Variants in GINS1 observed in about 807,000 individuals in gnomAD.
GINS1 encodes GINS complex subunit 1.
A neutral mutation model predicts 34.9 loss-of-function variants in GINS1; 26 were observed. That is an observed-to-expected ratio of 0.74 (90% confidence interval 0.55 to 1.03). GINS1 has a LOEUF of 1.03. GINS1 is among the 50% of genes least tolerant of loss of function. The pLI, the probability that GINS1 is intolerant of heterozygous loss-of-function variation, is 0.00. For missense variants in GINS1, 235 were observed against 237.9 expected, an observed-to-expected ratio of 0.99 and a Z score of 0.08; for synonymous variants, 97 against 84.4, an observed-to-expected ratio of 1.15 and a Z score of -0.82.
Position 25,442,334 on chromosome 20 carries a change from A to ATCTGTCTG in GINS1, c.522+561_522+562insGTCTGTCT, listed in dbSNP as rs542531370. Among the ~76,000 whole-genome samples, 341 of 135,502 alleles carry ATCTGTCTG rather than the reference A, an allele frequency of 2.5e-3. 2 individuals carry two copies. The highest frequency in any genetic ancestry group is 8.3e-3 in the African/African-American group (324 of 38,868). 88.9% of individuals were successfully genotyped at this position (135,502 alleles called of 152,430 possible). On this transcript the variant is annotated intron_variant, in intron 6 of 6. Transcript: ENST00000262460. ...ATAAGGAATCTTTATCCATCTATCT[A>ATCTGTCTG]TCTATCTGTCTGTCTGTCTGTCTGT... is the stretch of plus-strand genomic sequence containing the variant.
chr20:25,444,043 G>A (rs1052382760), intron 6 of GINS1, among the ~76,000 whole-genome samples: 1 of 134,424 alleles, frequency 7.4e-6, no homozygotes, highest in Non-Finnish European at 1.6e-5. Flanking sequence ...ATGGACTCTC[G>A]CTCTGTCACC....
At chr20:25,418,761 C>G (rs1388533454) in intron 4 of GINS1, among the ~76,000 whole-genome samples, 1 of 152,222 alleles carries the variant, frequency 6.6e-6, no homozygotes, top group Non-Finnish European at 1.5e-5. Flanking sequence ...GAAGCTCACA[C>G]AAGCTTTGAT....
At chr20:25,445,228 C>T (rs993007000) in intron 6 of GINS1, among the ~76,000 whole-genome samples, 5 of 151,964 alleles carry the variant, frequency 3.3e-5, no homozygotes, top group African/African-American at 1.2e-4. Flanking sequence ...GAGTTTTGCT[C>T]TTGTTGCCCA....
chr20:25,428,975 T>C (rs2090410751), intron 5 of GINS1, among the ~76,000 whole-genome samples: 12 of 2,382 alleles, frequency 5.0e-3, no homozygotes, highest in African/African-American at 0.037. Context: ...CTCTCTTTTT[T>C]TTTTTTTTTT....
chr20:25,409,790 G>C (rs1028326531), intron 1 of GINS1, among the ~76,000 whole-genome samples: 1 of 152,170 alleles, frequency 6.6e-6, no homozygotes, highest in Non-Finnish European at 1.5e-5. Flanking sequence ...TAAAAAGTTA[G>C]GCAGCAGTCT....
At chr20:25,413,414 C>A in intron 1 of GINS1, 1 of 165,962 alleles carries the variant, frequency 6.0e-6, no homozygotes, top group Non-Finnish European at 1.3e-5. Context: ...ATTTGATGGA[C>A]GTTTGGGTTG....
intron 6 of GINS1, 114 bp downstream of exon 6, chr20:25,441,890 A>G (rs2090483895): frequency 3.3e-6 from 2 of 611,712 alleles, no homozygotes; most frequent in Non-Finnish European, 5.8e-6. Context: ...ATTAGGCATT[A>G]TCTTTTAGTA....
intron 5 of GINS1, among the ~76,000 whole-genome samples, chr20:25,432,172 A>G (rs1369055404): frequency 6.6e-6 from 1 of 152,044 alleles, no homozygotes; most frequent in African/African-American, 2.4e-5. Context: ...GCGCCTGGCC[A>G]TGAAATCTGT....
At chr20:25,410,795 T>G (rs2090279784) in intron 1 of GINS1, among the ~76,000 whole-genome samples, 1 of 151,824 alleles carries the variant, frequency 6.6e-6, no homozygotes, top group East Asian at 2.0e-4. Flanking sequence ...ACTCCTGACC[T>G]CAGGCGATCC....
intron 3 of GINS1, among the ~76,000 whole-genome samples, chr20:25,417,795 A>C (rs150058627): frequency 2.0e-5 from 3 of 152,300 alleles, no homozygotes; most frequent in Admixed American, 6.5e-5. Flanking sequence ...CAGAGGTTGT[A>C]GTGAACGGAG....
At chr20:25,420,116 A>G (rs979124815) in intron 4 of GINS1, among the ~76,000 whole-genome samples, 5 of 151,812 alleles carry the variant, frequency 3.3e-5, no homozygotes, top group African/African-American at 7.3e-5. Context: ...AAATATAACA[A>G]TGTTAACAGC....
At chr20:25,431,961 G>A (rs1390356245) in intron 5 of GINS1, among the ~76,000 whole-genome samples, 5 of 151,964 alleles carry the variant, frequency 3.3e-5, no homozygotes, top group Admixed American at 2.0e-4. Flanking sequence ...TCCATTTCCC[G>A]GGTTCAAGTG....
chr20:25,413,741 G>C (rs781436677), intron 1 of GINS1, 49 bp from the exon 2 acceptor site: 1 of 1,052,606 alleles, frequency 9.5e-7, no homozygotes, highest in Non-Finnish European at 1.5e-6. Flanking sequence ...TATTGCCACA[G>C]AATTGGTGGG....
chr20:25,427,205 A>T (rs1194517333), intron 5 of GINS1, among the ~76,000 whole-genome samples: 1 of 152,036 alleles, frequency 6.6e-6, no homozygotes, highest in Non-Finnish European at 1.5e-5. Context: ...TGCTCTTGTC[A>T]CCCAGGCTGG....
In GINS1 at chr20:25,429,027, CGCCCAG is replaced by C. The variant is rs562938105; in HGVS notation, c.447+3703_447+3708del. On this transcript the variant is annotated intron_variant, in intron 5 of 6. Transcript: ENST00000262460. ...TTTTTGAAACGAAGTCTTGCTCTGT[CGCCCAG>C]GCTGGAGTACAGTGGTGCACTCTTG... Among the ~76,000 whole-genome samples the C allele has an allele frequency of 1.2e-3, 147 of 122,282 alleles. 1 individual carries two copies. The highest frequency in any genetic ancestry group is 4.4e-3 in the African/African-American group (144 of 32,544). 80.2% of individuals were successfully genotyped at this position (122,282 alleles called of 152,430 possible).
At chr20:25,437,094 T>G (rs1008188837) in intron 5 of GINS1, among the ~76,000 whole-genome samples, 1 of 152,256 alleles carries the variant, frequency 6.6e-6, no homozygotes, top group Admixed American at 6.5e-5. Context: ...TTCTAATTTT[T>G]CCTGTATACA....
intron 2 of GINS1, among the ~76,000 whole-genome samples, chr20:25,415,059 A>G (rs115850625): frequency 9.2e-5 from 14 of 152,344 alleles, no homozygotes; most frequent in African/African-American, 2.9e-4. Flanking sequence ...CAGGGTCTCA[A>G]CTGTCTGTGA....
chr20:25,437,187 G>A (rs1257570370), intron 5 of GINS1, among the ~76,000 whole-genome samples: 2 of 152,234 alleles, frequency 1.3e-5, no homozygotes, highest in Non-Finnish European at 2.9e-5. Context: ...TGGGAAAACG[G>A]TGCTAGCCCT....
At chr20:25,426,291 C>T (rs903774430) in intron 5 of GINS1, among the ~76,000 whole-genome samples, 1 of 152,024 alleles carries the variant, frequency 6.6e-6, no homozygotes, top group Non-Finnish European at 1.5e-5. Flanking sequence ...CGGCTGGGCA[C>T]GGTGGCTCAT....
Sources: allele counts gnomAD v4.1 joint callset (sites outside exome capture counted in the v4.1 genomes callset), GRCh38; gene constraint gnomAD v4.1.1; transcripts MANE v1.5; gene names NCBI Gene and HGNC (gene_info 2026-07-23, HGNC 2026-07-21).